The following ERC2 variants were observed in gnomAD, a reference collection of about 807,000 sequenced individuals.
The protein encoded by ERC2 is ELKS/RAB6-interacting/CAST family member 2.
In ERC2, 42 loss-of-function variants were observed where a neutral mutation model predicts 114.8. That is an observed-to-expected ratio of 0.37 (90% CI 0.29 to 0.47). ERC2 has a LOEUF of 0.47. Among genes scored for constraint, ERC2 ranks in the 20% least tolerant of loss-of-function variants. The pLI is 0.99. For synonymous variants in ERC2, 454 were observed against 425.5 expected, an observed-to-expected ratio of 1.07 and a Z score of -0.82; for missense variants, 939 against 1,150.7, an observed-to-expected ratio of 0.82 and a Z score of 2.66.
intron 17 of ERC2, among the ~76,000 whole-genome samples, chr3:55,669,157 A>C (rs2061464838): frequency 6.6e-6 from 1 of 152,170 alleles, no homozygotes; most frequent in Admixed American, 6.5e-5. Flanking sequence ...TTTCACCCTA[A>C]AATTTCCCAA....
At chr3:56,461,679 T>G (rs1192222281) in intron 1 of ERC2, among the ~76,000 whole-genome samples, 2 of 152,238 alleles carry the variant, frequency 1.3e-5, no homozygotes, top group Admixed American at 6.5e-5. Context: ...AGCTATAAGA[T>G]TCACATAATC....
chr3:55,605,161 G>T (rs575993442), intron 17 of ERC2, among the ~76,000 whole-genome samples: 2 of 151,764 alleles, frequency 1.3e-5, no homozygotes, highest in Admixed American at 6.6e-5. Context: ...TGTCGCCCAT[G>T]CTGGGCTGCA....
chr3:55,520,101 C>T (rs1303738059), intron 17 of ERC2, among the ~76,000 whole-genome samples: 1 of 151,234 alleles, frequency 6.6e-6, no homozygotes, highest in African/African-American at 2.4e-5. Flanking sequence ...AACCTTGCAC[C>T]CTGTATGTGG....
intron 1 of ERC2, among the ~76,000 whole-genome samples, chr3:56,465,407 T>C (rs1044786091): frequency 1.9e-4 from 29 of 151,884 alleles, no homozygotes; most frequent in African/African-American, 6.5e-4. Flanking sequence ...CAAAAAACAA[T>C]AAAAAATAAA....
chr3:56,160,556 C>G (rs1019709097), intron 4 of ERC2, among the ~76,000 whole-genome samples: 1 of 152,118 alleles, frequency 6.6e-6, no homozygotes, highest in Non-Finnish European at 1.5e-5. Context: ...TTCACAAGGC[C>G]AATGTCCAGC....
rs139621917 is a variant in ERC2, at chr3:55,516,156, T to G, written c.*40-4880A>C. Among the ~76,000 whole-genome samples the G allele has an allele frequency of 6.4e-3, 975 of 152,060 alleles. 10 individuals are homozygous for G. Among genetic ancestry groups the G allele is most frequent in the Non-Finnish European group, 0.012 (786 of 67,982 alleles). ...TTAACAACGGTTGGAGGAGAAGAGC[T>G]GCTCCTTCTGGGGGCAGCGGGCATC... On this transcript the variant is annotated intron_variant, in intron 17 of 17. Coordinates refer to ENST00000288221, the MANE Select transcript of ERC2 (RefSeq NM_015576.3).
At chr3:55,775,784 C>A (rs1462460775) in intron 14 of ERC2, among the ~76,000 whole-genome samples, 1 of 152,152 alleles carries the variant, frequency 6.6e-6, no homozygotes, top group Non-Finnish European at 1.5e-5. Flanking sequence ...TTTACAACAG[C>A]AGACAATTAG....
At position 55,549,556 on chromosome 3, in the gene ERC2, A is replaced by G. The variant is rs148307224; in HGVS notation, c.*40-38280T>C. Among the ~76,000 whole-genome samples, 852 of 150,118 alleles carry G rather than the reference A, an allele frequency of 5.7e-3. 11 individuals carry two copies. Among genetic ancestry groups the G allele is most frequent in the African/African-American group, 0.019 (781 of 40,624 alleles). Reference sequence around the variant, plus strand: ...CATTCATGGGCTCTGATATCAATAAACTCACAGCTGCTCTGCAAGGCTGTT... The same window carrying G: ...CATTCATGGGCTCTGATATCAATAAGCTCACAGCTGCTCTGCAAGGCTGTT... On this transcript the variant is annotated intron_variant, in intron 17 of 17. Transcript: ENST00000288221.
chr3:56,358,109 A>G (rs1396307090), intron 2 of ERC2, among the ~76,000 whole-genome samples: 1 of 152,120 alleles, frequency 6.6e-6, no homozygotes, highest in African/African-American at 2.4e-5. Flanking sequence ...TGGCGCATAC[A>G]TGAGTTTCAG....
At chr3:55,577,435 C>T (rs571029933) in intron 17 of ERC2, among the ~76,000 whole-genome samples, 46 of 152,314 alleles carry the variant, frequency 3.0e-4, no homozygotes, top group Non-Finnish European at 4.6e-4. Flanking sequence ...ATTCCCGAGG[C>T]ACTTGGGGAA....
At chr3:55,869,952 G>A (rs1478541980) in intron 14 of ERC2, among the ~76,000 whole-genome samples, 1 of 152,126 alleles carries the variant, frequency 6.6e-6, no homozygotes, top group Non-Finnish European at 1.5e-5. Flanking sequence ...GGAGAGGACA[G>A]AACTGTCCTA....
At chr3:55,601,834 C>G (rs2058420304) in intron 17 of ERC2, among the ~76,000 whole-genome samples, 1 of 152,158 alleles carries the variant, frequency 6.6e-6, no homozygotes, top group Non-Finnish European at 1.5e-5. Context: ...CTATCTCAAA[C>G]AACAAACAAA....
intron 7 of ERC2, among the ~76,000 whole-genome samples, chr3:56,046,792 C>T (rs1419263206): frequency 6.6e-6 from 1 of 152,190 alleles, no homozygotes; most frequent in Non-Finnish European, 1.5e-5. Flanking sequence ...AACCCTGGGG[C>T]TGGACAGATA....
intron 3 of ERC2, among the ~76,000 whole-genome samples, chr3:56,284,014 A>G (rs1247482617): frequency 2.6e-5 from 4 of 152,248 alleles, no homozygotes; most frequent in African/African-American, 9.6e-5. Flanking sequence ...TGCTTCATTA[A>G]TAACTTTTTA....
chr3:55,540,002 A>G (rs186304777), intron 17 of ERC2, among the ~76,000 whole-genome samples: 1 of 151,438 alleles, frequency 6.6e-6, no homozygotes, highest in East Asian at 2.0e-4. Context: ...GGAAATGCCA[A>G]CTGGATCCCA....
intron 13 of ERC2, among the ~76,000 whole-genome samples, chr3:55,931,991 C>T (rs987285388): frequency 2.0e-5 from 3 of 152,126 alleles, no homozygotes; most frequent in Non-Finnish European, 4.4e-5. Context: ...TATGGAATAA[C>T]GATCAACTGG....
At chr3:56,053,620 A>G (rs982013393) in intron 7 of ERC2, among the ~76,000 whole-genome samples, 1 of 152,110 alleles carries the variant, frequency 6.6e-6, no homozygotes, top group Admixed American at 6.5e-5. Flanking sequence ...CAGGATCTCA[A>G]TCAAGCCGTT....
At chr3:56,390,324 A>G (rs2060083443) in intron 2 of ERC2, among the ~76,000 whole-genome samples, 1 of 152,190 alleles carries the variant, frequency 6.6e-6, no homozygotes, top group Non-Finnish European at 1.5e-5. Flanking sequence ...TCTTATTTCT[A>G]TACCAAAAAT....
chr3:56,395,089 T>C (rs1169991220), intron 2 of ERC2, among the ~76,000 whole-genome samples: 2 of 152,064 alleles, frequency 1.3e-5, no homozygotes, highest in Non-Finnish European at 2.9e-5. Context: ...TACTCCTATT[T>C]ATATGAAATT....
Sources: gnomAD v4.1 joint callset for allele counts (sites outside exome capture counted in the v4.1 genomes callset) on GRCh38, gnomAD v4.1.1 for gene constraint, MANE v1.5 for transcripts, NCBI Gene and HGNC (gene_info 2026-07-23, HGNC 2026-07-21) for gene names.